TMEM108: variants seen among roughly 807,000 people sequenced by gnomAD.
TMEM108 encodes the protein transmembrane protein 108, also known as cancer/testis antigen 124.
TMEM108 carries 12 observed loss-of-function variants against 35.1 expected under a neutral mutation model. That is an observed-to-expected ratio of 0.34 (90% CI 0.22 to 0.55). TMEM108 has a LOEUF of 0.55. TMEM108 is among the 20% of genes least tolerant of loss of function. TMEM108 has a pLI of 0.89. For missense variants in TMEM108, 680 were observed against 753.3 expected (o/e 0.90, Z 1.14); for synonymous variants, 287 against 308.6 (o/e 0.93, Z 0.73).
intron 3 of TMEM108, among the ~76,000 whole-genome samples, chr3:133,234,113 C>T (rs1342508269): frequency 1.3e-5 from 2 of 152,082 alleles, no homozygotes; most frequent in Non-Finnish European, 2.9e-5. Flanking sequence ...GAAGTGCTTG[C>T]CCATGCCTAT....
chr3:133,302,415 C>CTTTTTTTTTT (rs927704510), intron 3 of TMEM108, among the ~76,000 whole-genome samples: 16 of 110,084 alleles, frequency 1.5e-4, no homozygotes, highest in African/African-American at 2.1e-4. Context: ...TTCTTTCTTT[C>CTTTTTTTTTT]TTTTTTTTTT....
At chr3:133,221,842 G>A (rs546954875) in intron 2 of TMEM108, among the ~76,000 whole-genome samples, 7 of 151,336 alleles carry the variant, frequency 4.6e-5, no homozygotes, top group African/African-American at 1.7e-4. Context: ...TTAAATTTTT[G>A]ATGTTACAGT....
chr3:133,241,432 A>G lies in TMEM108; in HGVS notation c.40+12081A>G, dbSNP rs140317442. Among the ~76,000 whole-genome samples the G allele has an allele frequency of 3.1e-4, 47 of 152,204 alleles. No homozygotes were observed. In the East Asian group the frequency reaches 7.7e-3, roughly 25 times the overall value. Reference sequence around the variant, plus strand: ...CTAGCCTTTCTGCTCAAGGGAATCAATTATCTGCTGCAAGCATCCTAGCAG... The same window carrying G: ...CTAGCCTTTCTGCTCAAGGGAATCAGTTATCTGCTGCAAGCATCCTAGCAG... On this transcript the variant is annotated intron_variant, in intron 3 of 5. Transcript: ENST00000321871.
At chr3:133,202,161 AT>A (rs77346985) in intron 2 of TMEM108, among the ~76,000 whole-genome samples, 47,952 of 151,918 alleles carry the variant, frequency 0.32, 8,387 homozygotes, top group East Asian at 0.46. Context: ...TTATTTCCTT[AT>A]AAATTTGTTT....
chr3:133,086,742 A>G (rs1385817906), intron 2 of TMEM108, among the ~76,000 whole-genome samples: 1 of 152,196 alleles, frequency 6.6e-6, no homozygotes, highest in African/African-American at 2.4e-5. Context: ...ATTTGGCTAA[A>G]TTAACATTGG....
intron 2 of TMEM108, among the ~76,000 whole-genome samples, chr3:133,076,826 C>A (rs946327891): frequency 6.6e-6 from 1 of 152,182 alleles, no homozygotes; most frequent in Non-Finnish European, 1.5e-5. Context: ...CTTTGGGTTG[C>A]GCCACCTTTA....
intron 2 of TMEM108, among the ~76,000 whole-genome samples, chr3:133,154,108 T>C (rs1480812081): frequency 6.6e-6 from 1 of 152,156 alleles, no homozygotes; most frequent in African/African-American, 2.4e-5. Flanking sequence ...TGTCTGTTCA[T>C]ATCCATCGCC....
chr3:133,052,076 G>A (rs908906339), intron 2 of TMEM108, among the ~76,000 whole-genome samples: 4 of 152,088 alleles, frequency 2.6e-5, no homozygotes, highest in Non-Finnish European at 4.4e-5. Context: ...TCTACAGATC[G>A]AATTGAGAAG....
At chr3:133,110,814 G>A (rs1944215670) in intron 2 of TMEM108, among the ~76,000 whole-genome samples, 2 of 152,190 alleles carry the variant, frequency 1.3e-5, no homozygotes, top group Non-Finnish European at 2.9e-5. Flanking sequence ...TCCATTTGTT[G>A]TGTCCTCACT....
At chr3:133,241,673 T>A (rs1332961829) in intron 3 of TMEM108, among the ~76,000 whole-genome samples, 2 of 136,728 alleles carry the variant, frequency 1.5e-5, no homozygotes, top group Non-Finnish European at 3.1e-5. Context: ...TGGAGTACAA[T>A]GGCATGATCT....
intron 3 of TMEM108, among the ~76,000 whole-genome samples, chr3:133,261,438 G>T (rs951256527): frequency 6.6e-6 from 1 of 152,144 alleles, no homozygotes; most frequent in East Asian, 1.9e-4. Flanking sequence ...TTTCTGAAAA[G>T]AAAGCAGACA....
chr3:133,166,681 C>T (rs1342469478), intron 2 of TMEM108, among the ~76,000 whole-genome samples: 1 of 152,058 alleles, frequency 6.6e-6, no homozygotes, highest in East Asian at 1.9e-4. Flanking sequence ...CATGGTCTCG[C>T]TGGCCTCAGG....
chr3:133,152,196 A>G (rs532878186), intron 2 of TMEM108, among the ~76,000 whole-genome samples: 7 of 152,220 alleles, frequency 4.6e-5, no homozygotes, highest in Non-Finnish European at 1.0e-4. Context: ...CTTCATTCAC[A>G]GTGCCTTTGA....
intron 3 of TMEM108, among the ~76,000 whole-genome samples, chr3:133,233,196 C>A (rs1339230303): frequency 6.6e-6 from 1 of 152,122 alleles, no homozygotes; most frequent in African/African-American, 2.4e-5. Flanking sequence ...CCCGCTCCGC[C>A]ACCCCACAAC....
intron 3 of TMEM108, chr3:133,378,210 C>A: frequency 2.4e-6 from 1 of 413,894 alleles, no homozygotes; most frequent in Non-Finnish European, 3.3e-6. Context: ...GCCTCCCACT[C>A]CCCACCAATT....
intron 2 of TMEM108, among the ~76,000 whole-genome samples, chr3:133,206,370 A>G (rs1212148004): frequency 6.6e-6 from 1 of 152,118 alleles, no homozygotes; most frequent in East Asian, 1.9e-4. Context: ...CCTTTGGAGG[A>G]GAAGAGGTGT....
At chr3:133,207,983 T>G (rs1945782909) in intron 2 of TMEM108, among the ~76,000 whole-genome samples, 1 of 152,204 alleles carries the variant, frequency 6.6e-6, no homozygotes, top group African/African-American at 2.4e-5. Flanking sequence ...AGATAGATCT[T>G]TCTGTTCCAG....
chr3:133,304,396 GTTAAA>G (rs769385113), intron 3 of TMEM108, among the ~76,000 whole-genome samples: 9 of 152,100 alleles, frequency 5.9e-5, no homozygotes, highest in Admixed American at 3.9e-4. Context: ...TAGGTATACA[GTTAAA>G]TTATTTTCAT....
At position 133,396,061 on chromosome 3, in the gene TMEM108, A is replaced by G; in HGVS notation, c.*75A>G. On this transcript the variant is annotated 3_prime_UTR_variant, in exon 6 of 6. Coordinates refer to ENST00000321871, the MANE Select transcript of TMEM108 (RefSeq NM_023943.4). The stretch of plus-strand genomic sequence containing the variant: ...AAATATACAAATACATATATTATAA[A>G]TATAACCTTTGTGTAACCCTGACTT... The G allele has an allele frequency of 9.2e-7, 1 of 1,090,766 alleles. No homozygotes were observed. Among genetic ancestry groups the G allele is most frequent in the Non-Finnish European group, 1.2e-6 (1 of 861,548 alleles). The allele number at this position is 1,090,766 out of a possible 1,614,324, so 67.6% of individuals were successfully genotyped here.
Sources: gnomAD v4.1 joint callset for allele counts (sites outside exome capture counted in the v4.1 genomes callset) on GRCh38, gnomAD v4.1.1 for gene constraint, MANE v1.5 for transcripts, NCBI Gene and HGNC (gene_info 2026-07-23, HGNC 2026-07-21) for gene names.